The following RNF130 variants were observed in gnomAD, a reference collection of about 807,000 sequenced individuals.
The protein encoded by RNF130 is E3 ubiquitin-protein ligase RNF130.
Under a neutral mutation model 44.6 loss-of-function variants are expected in RNF130, and 21 were observed. That is an observed-to-expected ratio of 0.47 (90% CI 0.33 to 0.68). The LOEUF is 0.68. Ranked by LOEUF, RNF130 falls within the 30% of genes least tolerant of loss-of-function variation. The pLI is 0.02. For synonymous variants in RNF130, 214 were observed against 210.4 expected, an observed-to-expected ratio of 1.02 and a Z score of -0.15; for missense variants, 479 against 560.6, an observed-to-expected ratio of 0.85 and a Z score of 1.47.
downstream of RNF130, among the ~76,000 whole-genome samples, chr5:179,951,580 T>A (rs555439533): frequency 1.3e-5 from 2 of 152,284 alleles, no homozygotes; most frequent in South Asian, 4.1e-4. Flanking sequence ...AGACGGGGTT[T>A]CACCGTGTTG....
chr5:179,917,286 G>C (rs2113667243), exon 8 of RNF130: 1 of 151,470 alleles, frequency 6.6e-6, no homozygotes, highest in African/African-American at 2.4e-5. Context: ...CCCTAGACTT[G>C]CTGATCCTGC....
At chr5:180,046,125 C>T (rs570962340) in intron 1 of RNF130, among the ~76,000 whole-genome samples, 24 of 152,294 alleles carry the variant, frequency 1.6e-4, no homozygotes, top group East Asian at 9.7e-4. Flanking sequence ...CGGTGGACCG[C>T]GGCGCGTGCA....
At chr5:180,025,354 G>GAGTC (rs1763961324) in intron 2 of RNF130, among the ~76,000 whole-genome samples, 1 of 152,190 alleles carries the variant, frequency 6.6e-6, no homozygotes, top group African/African-American at 2.4e-5. Flanking sequence ...TGCTGCCAGT[G>GAGTC]AGGAAAGAGA....
intron 3 of RNF130, among the ~76,000 whole-genome samples, chr5:179,981,133 A>T (rs1762827738): frequency 6.6e-6 from 1 of 151,982 alleles, no homozygotes; most frequent in Non-Finnish European, 1.5e-5. Flanking sequence ...GGTTCCAGGC[A>T]AAGTAATAAT....
At chr5:180,060,862 G>A (rs1437751143) in intron 1 of RNF130, among the ~76,000 whole-genome samples, 4 of 152,214 alleles carry the variant, frequency 2.6e-5, no homozygotes, top group East Asian at 1.9e-4. Flanking sequence ...GAGGTCGGGC[G>A]ATCGAGACCA....
chr5:179,950,650 C>T (rs248327), downstream of RNF130, among the ~76,000 whole-genome samples: 104,324 of 152,168 alleles, frequency 0.69, 36,822 homozygotes, highest in African/African-American at 0.84. Context: ...CCCAATCTAT[C>T]AATTCACTCA....
chr5:179,970,595 T>C (rs149144198), intron 5 of RNF130, 89 bp from the exon 6 acceptor site: 23,684 of 953,482 alleles, frequency 0.025, 482 homozygotes, highest in Middle Eastern at 0.055. Context: ...TTAGTTAAGT[T>C]TTCTTTTCCC....
At chr5:179,926,597 G>A (rs139438644) in intron 7 of RNF130, among the ~76,000 whole-genome samples, 25 of 152,240 alleles carry the variant, frequency 1.6e-4, no homozygotes, top group African/African-American at 2.9e-4. Context: ...GCAGTGAGCC[G>A]AGATAGCGCC....
chr5:179,924,325 G>A (rs1476292312), intron 7 of RNF130, among the ~76,000 whole-genome samples: 2 of 150,204 alleles, frequency 1.3e-5, no homozygotes, highest in Non-Finnish European at 3.0e-5. Flanking sequence ...GAGAAACCCT[G>A]TCTCTACTAA....
chr5:180,057,257 G>A (rs1226991270), intron 1 of RNF130, among the ~76,000 whole-genome samples: 1 of 152,202 alleles, frequency 6.6e-6, no homozygotes, highest in African/African-American at 2.4e-5. Flanking sequence ...AATCAATCAT[G>A]TCTGTGTCGG....
chr5:179,961,126 C>A (rs1452603206), intron 8 of RNF130, among the ~76,000 whole-genome samples: 1 of 150,512 alleles, frequency 6.6e-6, no homozygotes, highest in Non-Finnish European at 1.5e-5. Flanking sequence ...AAAAAAAACA[C>A]AACACATAAA....
intron 3 of RNF130, among the ~76,000 whole-genome samples, chr5:179,985,832 T>C (rs1429971605): frequency 1.3e-5 from 2 of 152,086 alleles, no homozygotes; most frequent in African/African-American, 4.8e-5. Context: ...TGTGGCACTT[T>C]CCCCCCAAAT....
At chr5:180,025,309 T>C (rs1763960466) in intron 2 of RNF130, among the ~76,000 whole-genome samples, 1 of 152,224 alleles carries the variant, frequency 6.6e-6, no homozygotes, top group South Asian at 2.1e-4. Flanking sequence ...CAAACCCATG[T>C]AGATCCTTTA....
At chr5:180,068,424 C>A (rs1765158635) in intron 1 of RNF130, among the ~76,000 whole-genome samples, 1 of 152,114 alleles carries the variant, frequency 6.6e-6, no homozygotes, top group South Asian at 2.1e-4. Context: ...TGTGTTAGCC[C>A]CAGGCAAATG....
intron 1 of RNF130, among the ~76,000 whole-genome samples, chr5:180,047,248 C>G (rs980256529): frequency 4.6e-5 from 7 of 152,052 alleles, no homozygotes; most frequent in Non-Finnish European, 1.0e-4. Context: ...TTTTATGATT[C>G]AAAGAAAAAA....
chr5:180,062,718 G>A (rs1765015584), intron 1 of RNF130, among the ~76,000 whole-genome samples: 1 of 152,192 alleles, frequency 6.6e-6, no homozygotes, highest in South Asian at 2.1e-4. Context: ...GTTTGCCAGA[G>A]ATGAATGTGG....
chr5:180,035,227 C>A (rs1764219832), intron 2 of RNF130, among the ~76,000 whole-genome samples: 1 of 152,152 alleles, frequency 6.6e-6, no homozygotes, highest in Non-Finnish European at 1.5e-5. Context: ...GATGTGTTTT[C>A]ATTTTCGTTT....
chr5:179,918,996 C>T (rs26074), exon 8 of RNF130: 59,617 of 152,154 alleles, frequency 0.39, 13,000 homozygotes, highest in East Asian at 0.75. Flanking sequence ...GCATCTGCTT[C>T]GTTTGCTGTC....
intron 1 of RNF130, among the ~76,000 whole-genome samples, chr5:180,055,262 A>C (rs1764782412): frequency 2.6e-5 from 1 of 38,382 alleles, no homozygotes; most frequent in Non-Finnish European, 5.5e-5. Context: ...AAAAAAAAAA[A>C]AAAAAAAAAA....
Sources: allele counts gnomAD v4.1 joint callset (sites outside exome capture counted in the v4.1 genomes callset), GRCh38; gene constraint gnomAD v4.1.1; transcripts MANE v1.5; gene names NCBI Gene and HGNC (gene_info 2026-07-23, HGNC 2026-07-21).